The following CTNNA2 variants were observed in gnomAD, a reference collection of about 807,000 sequenced individuals.
CTNNA2 encodes catenin alpha-2.
CTNNA2 carries 42 observed loss-of-function variants against 101.0 expected under a neutral mutation model. The observed-to-expected ratio is 0.42, with a 90% CI of 0.32 to 0.54. CTNNA2 has a LOEUF of 0.54. Among genes scored for constraint, CTNNA2 ranks in the 20% least tolerant of loss-of-function variants. The pLI is 0.14. For missense variants in CTNNA2, 871 were observed against 1,223.1 expected, an observed-to-expected ratio of 0.71 and a Z score of 4.29; for synonymous variants, 450 against 456.4, an observed-to-expected ratio of 0.99 and a Z score of 0.18.
chr2:79,247,854 G>A (rs1188861924), intron 2 of CTNNA2, among the ~76,000 whole-genome samples: 1 of 152,202 alleles, frequency 6.6e-6, no homozygotes, highest in Non-Finnish European at 1.5e-5. Context: ...GCAAAGGAAT[G>A]CAGTTCTAGA....
chr2:79,880,030 C>A lies in CTNNA2; in HGVS notation c.852+5688C>A, dbSNP rs146970445. Among the ~76,000 whole-genome samples, 1,389 of 151,994 alleles carry A rather than the reference C, an allele frequency of 9.1e-3. 28 individuals are homozygous for A. Among genetic ancestry groups the A allele is most frequent in the African/African-American group, 0.032 (1,324 of 41,472 alleles). On this transcript the variant is annotated intron_variant, in intron 6 of 18. Transcript: ENST00000402739. ...TTTATTGAGAGTTTTTAATGTGAAG[C>A]GATGTTGAATTTTATCAAAGGCCTT...
rs79347337 is a variant in CTNNA2, at chr2:79,600,863, A to G, written c.-5-50689A>G. Among the ~76,000 whole-genome samples the G allele has an allele frequency of 7.3e-3, 1,117 of 152,138 alleles. 63 individuals are homozygous for G. The East Asian group carries it at 0.12, about 16-fold the overall frequency. Reference sequence around the variant, plus strand: ...TGTTCCCACGCAACAGGGAGCAGAGAGATCATCTCTCTGCTGTTTCTTATA... The same window carrying G: ...TGTTCCCACGCAACAGGGAGCAGAGGGATCATCTCTCTGCTGTTTCTTATA... On this transcript the variant is annotated intron_variant, in intron 1 of 18. Transcript: ENST00000402739.
At chr2:80,506,108 A>G (rs1374336480) in intron 9 of CTNNA2, among the ~76,000 whole-genome samples, 1 of 152,192 alleles carries the variant, frequency 6.6e-6, no homozygotes, top group Non-Finnish European at 1.5e-5. Flanking sequence ...TGATTTACAG[A>G]TACAGTGCAT....
chr2:80,603,954 G>A (rs988071236), intron 15 of CTNNA2, 120 bp from the exon 16 acceptor site: 10 of 659,604 alleles, frequency 1.5e-5, no homozygotes, highest in African/African-American at 1.9e-5. Context: ...TTCAAAATTC[G>A]ACTAATGTGG....
intron 1 of CTNNA2, among the ~76,000 whole-genome samples, chr2:79,648,749 G>C (rs771678509): frequency 2.0e-5 from 3 of 152,116 alleles, no homozygotes; most frequent in Non-Finnish European, 4.4e-5. Context: ...CACTCCTTTT[G>C]TTCATTGCTA....
chr2:79,909,731 G>C lies in CTNNA2; in HGVS notation c.990G>C (p.Arg330Ser). 1 of 1,613,852 alleles carries C rather than the reference G, an allele frequency of 6.2e-7. No homozygotes were observed. The highest frequency in any genetic ancestry group is 8.5e-7 in the Non-Finnish European group (1 of 1,179,856). The stretch of plus-strand genomic sequence containing the variant: ...GCACGCGAGACGACCGGCGCGAGAG[G>C]ATCGTGGCGGAGTGCAACGCCGTGC... The part of the protein sequence containing the change: ...SSCTRDDRRE[R>S]IVAECNAVRQ... The change falls in exon 7 of 19, where the codon AGG becomes AGC. Residue 330 changes from arginine to serine, a missense_variant. Transcript: ENST00000402739.
chr2:79,521,109 TATATATATATATATATATATATATA>T (rs1672083310), intron 1 of CTNNA2, among the ~76,000 whole-genome samples: 1 of 298 alleles, frequency 3.4e-3, no homozygotes, highest in Non-Finnish European at 8.3e-3. Context: ...AAGCTGCTGA[TATATATATATATATATATATATATA>T]TATATATATA....
At chr2:79,211,701 G>A (rs1674176015) in intron 2 of CTNNA2, among the ~76,000 whole-genome samples, 2 of 152,212 alleles carry the variant, frequency 1.3e-5, no homozygotes, top group African/African-American at 2.4e-5. Context: ...TCATCTGGAT[G>A]TGTACGTGCA....
At chr2:80,387,214 G>A (rs1021204747) in intron 7 of CTNNA2, among the ~76,000 whole-genome samples, 41 of 152,196 alleles carry the variant, frequency 2.7e-4, no homozygotes, top group African/African-American at 8.2e-4. Flanking sequence ...GCATGAACCC[G>A]GGAGGCGGAG....
At chr2:79,391,838 A>G (rs979549755) in intron 4 of CTNNA2, among the ~76,000 whole-genome samples, 3 of 152,168 alleles carry the variant, frequency 2.0e-5, no homozygotes, top group African/African-American at 7.2e-5. Flanking sequence ...ATTGTTTCAC[A>G]GTTGTAAAGG....
chr2:80,372,063 A>G (rs1382498190), intron 7 of CTNNA2, among the ~76,000 whole-genome samples: 2 of 152,164 alleles, frequency 1.3e-5, no homozygotes, highest in Non-Finnish European at 2.9e-5. Context: ...CATTATTATC[A>G]ACTATGCAAG....
intron 7 of CTNNA2, among the ~76,000 whole-genome samples, chr2:80,120,433 C>T (rs115569752): frequency 0.017 from 2,663 of 152,208 alleles, 70 homozygotes; most frequent in African/African-American, 0.059. Flanking sequence ...CGAAGGAAAC[C>T]GAGTGCTCAT....
chr2:80,226,947 C>T (rs1331902237), intron 7 of CTNNA2, among the ~76,000 whole-genome samples: 1 of 152,160 alleles, frequency 6.6e-6, no homozygotes, highest in Non-Finnish European at 1.5e-5. Context: ...CTCTAGGTTC[C>T]TCCTGCTTAT....
intron 4 of CTNNA2, among the ~76,000 whole-genome samples, chr2:79,394,417 A>G (rs757055046): frequency 6.6e-6 from 1 of 152,200 alleles, no homozygotes; most frequent in Non-Finnish European, 1.5e-5. Flanking sequence ...TCACTAATAA[A>G]CTGGCTAATG....
intron 3 of CTNNA2, among the ~76,000 whole-genome samples, chr2:79,759,653 C>G (rs553786546): frequency 6.6e-6 from 1 of 152,224 alleles, no homozygotes; most frequent in East Asian, 1.9e-4. Context: ...TACCTCCTTT[C>G]CCTCCCACTT....
chr2:80,467,798 A>T (rs899530114), intron 9 of CTNNA2, among the ~76,000 whole-genome samples: 1 of 152,112 alleles, frequency 6.6e-6, no homozygotes, highest in African/African-American at 2.4e-5. Flanking sequence ...AAGAAACCTG[A>T]GGGAGCTTGT....
intron 7 of CTNNA2, among the ~76,000 whole-genome samples, chr2:80,354,317 G>C (rs1158296056): frequency 1.3e-5 from 2 of 152,156 alleles, no homozygotes; most frequent in Non-Finnish European, 2.9e-5. Context: ...ATATACTACA[G>C]AGGAGAGGAA....
At chr2:80,065,965 A>G (rs1165322212) in intron 7 of CTNNA2, among the ~76,000 whole-genome samples, 1 of 152,152 alleles carries the variant, frequency 6.6e-6, no homozygotes, top group Non-Finnish European at 1.5e-5. Context: ...AATAGGAGAG[A>G]ATGACTTTAC....
At chr2:80,024,436 G>T (rs1031659504) in intron 7 of CTNNA2, among the ~76,000 whole-genome samples, 1 of 152,202 alleles carries the variant, frequency 6.6e-6, no homozygotes, top group African/African-American at 2.4e-5. Context: ...GAGTAAGGGG[G>T]TGTCAGGCAG....
Sources: allele counts gnomAD v4.1 joint callset (sites outside exome capture counted in the v4.1 genomes callset), GRCh38; gene constraint gnomAD v4.1.1; transcripts MANE v1.5; gene names NCBI Gene and HGNC (gene_info 2026-07-23, HGNC 2026-07-21).